The following ENOX1 variants were observed in gnomAD, a reference collection of about 807,000 sequenced individuals.
ENOX1 encodes the protein candidate growth-related and time keeping constitutive hydroquinone (NADH) oxidase.
A neutral mutation model predicts 82.5 loss-of-function variants in ENOX1; 42 were observed. The ratio of observed to expected loss-of-function variants is 0.51; its 90% CI spans 0.40 to 0.66. The LOEUF is 0.66. ENOX1 is among the 30% of genes least tolerant of loss of function. ENOX1 has a pLI of 0.00. For synonymous variants in ENOX1, 271 were observed against 282.2 expected, an observed-to-expected ratio of 0.96 and a Z score of 0.40; for missense variants, 608 against 811.6, an observed-to-expected ratio of 0.75 and a Z score of 3.05.
intron 15 of ENOX1, 94 bp from the exon 16 acceptor site, chr13:43,224,232 G>A: frequency 4.0e-6 from 4 of 1,006,262 alleles, no homozygotes; most frequent in Admixed American, 2.0e-5. Flanking sequence ...TATTTTGTCA[G>A]GCTGAGTTAT....
chr13:43,587,809 T>TA, intron 2 of ENOX1, among the ~76,000 whole-genome samples: 1 of 152,312 alleles, frequency 6.6e-6, no homozygotes, highest in Admixed American at 6.5e-5. Flanking sequence ...TAAAAATAAA[T>TA]ACAGTTATTC....
At chr13:43,229,281 C>T (rs1219059956) in intron 15 of ENOX1, among the ~76,000 whole-genome samples, 1 of 152,170 alleles carries the variant, frequency 6.6e-6, no homozygotes, top group African/African-American at 2.4e-5. Context: ...TCTTTATCAG[C>T]AGCATGGGAA....
chr13:43,275,799 G>A (rs2044989430), intron 12 of ENOX1, among the ~76,000 whole-genome samples: 1 of 152,140 alleles, frequency 6.6e-6, no homozygotes, highest in South Asian at 2.1e-4. Context: ...TCTAGATGCT[G>A]GGTCACAAAA....
At chr13:43,554,646 G>T (rs1270641799) in intron 2 of ENOX1, among the ~76,000 whole-genome samples, 3 of 152,098 alleles carry the variant, frequency 2.0e-5, no homozygotes, top group Non-Finnish European at 2.9e-5. Context: ...GCACCATCTT[G>T]GTTCACTGCA....
chr13:43,647,858 A>C (rs1003140930), intron 2 of ENOX1, among the ~76,000 whole-genome samples: 1 of 152,174 alleles, frequency 6.6e-6, no homozygotes, highest in Non-Finnish European at 1.5e-5. Flanking sequence ...GTCCTTAAAA[A>C]CGAAGAACCT....
At position 43,326,534 on chromosome 13, in the gene ENOX1, A is replaced by G; in HGVS notation, c.1037-9T>C. On this transcript the variant is annotated splice_polypyrimidine_tract_variant and intron_variant, in intron 9 of 16. Transcript: ENST00000690772. ...GGCCACAATCTGCTCAACTTTGGTG[A>G]ACAAGGAAGTCAAACAAGACAAGTA... is the stretch of plus-strand genomic sequence containing the variant. 1 of 1,611,072 alleles carries G rather than the reference A, an allele frequency of 6.2e-7. No individual in the cohort carries two copies.
intron 2 of ENOX1, among the ~76,000 whole-genome samples, chr13:43,614,581 C>T (rs1484795343): frequency 7.8e-6 from 1 of 127,406 alleles, no homozygotes; most frequent in African/African-American, 2.9e-5. Flanking sequence ...CTTGTGTTCT[C>T]ACTTTCTCTG....
intron 2 of ENOX1, among the ~76,000 whole-genome samples, chr13:43,487,188 G>A (rs765902534): frequency 6.6e-6 from 1 of 150,564 alleles, no homozygotes. Context: ...AAAAAAAAAA[G>A]TTAGGAAATA....
At chr13:43,369,401 T>C (rs2051066250) in intron 5 of ENOX1, among the ~76,000 whole-genome samples, 1 of 152,234 alleles carries the variant, frequency 6.6e-6, no homozygotes, top group South Asian at 2.1e-4. Flanking sequence ...TCTGAACTTG[T>C]ATGTATAAAT....
intron 12 of ENOX1, among the ~76,000 whole-genome samples, chr13:43,282,095 T>C (rs2045419810): frequency 6.6e-6 from 1 of 152,168 alleles, no homozygotes; most frequent in African/African-American, 2.4e-5. Context: ...TTCTTGGTTG[T>C]TTTAGTTTAA....
chr13:43,435,930 TA>T lies in ENOX1; in HGVS notation c.-74-22943del, dbSNP rs367835483. ...GAATATGGTCTGAGTCTCAAAGGAT[TA>T]AAAAAAAAAAAAAACCAACCTATGT... is the stretch of plus-strand genomic sequence containing the variant. On this transcript the variant is annotated intron_variant, in intron 3 of 16. Transcript: ENST00000690772. Among the ~76,000 whole-genome samples, 785 of 139,726 alleles carry T rather than the reference TA, an allele frequency of 5.6e-3. 3 individuals carry two copies. Among genetic ancestry groups the T allele is most frequent in the African/African-American group, 0.017 (622 of 37,156 alleles). 91.7% of individuals were successfully genotyped at this position (139,726 alleles called of 152,430 possible).
intron 1 of ENOX1, among the ~76,000 whole-genome samples, chr13:43,762,215 T>C (rs983256125): frequency 1.3e-5 from 2 of 152,202 alleles, no homozygotes; most frequent in African/African-American, 2.4e-5. Context: ...AGGATGAATG[T>C]AAACTACAGA....
intron 1 of ENOX1, among the ~76,000 whole-genome samples, chr13:43,751,369 T>C (rs1307449493): frequency 6.6e-6 from 1 of 152,192 alleles, no homozygotes; most frequent in Non-Finnish European, 1.5e-5. Context: ...TAAAAATAGG[T>C]TTATGGAATA....
intron 2 of ENOX1, among the ~76,000 whole-genome samples, chr13:43,541,487 C>T (rs548521938): frequency 1.3e-5 from 2 of 152,058 alleles, no homozygotes; most frequent in African/African-American, 2.4e-5. Context: ...GGCAAAAGTG[C>T]GAGAGCTGTT....
At chr13:43,260,534 C>A (rs1000415575) in intron 14 of ENOX1, among the ~76,000 whole-genome samples, 1 of 152,162 alleles carries the variant, frequency 6.6e-6, no homozygotes, top group African/African-American at 2.4e-5. Flanking sequence ...GCTGTCACTG[C>A]ATTTCATTCC....
intron 2 of ENOX1, among the ~76,000 whole-genome samples, chr13:43,598,826 G>A (rs1411256679): frequency 6.6e-6 from 1 of 151,996 alleles, no homozygotes; most frequent in South Asian, 2.1e-4. Flanking sequence ...GATCCAAGGA[G>A]CAGTTTAACA....
At chr13:43,402,391 T>G (rs2053548989) in intron 5 of ENOX1, among the ~76,000 whole-genome samples, 1 of 152,200 alleles carries the variant, frequency 6.6e-6, no homozygotes, top group Non-Finnish European at 1.5e-5. Flanking sequence ...TATTATGCAT[T>G]TTATGTAATT....
chr13:43,418,145 G>T (rs1472418133), intron 3 of ENOX1, among the ~76,000 whole-genome samples: 1 of 151,982 alleles, frequency 6.6e-6, no homozygotes, highest in Non-Finnish European at 1.5e-5. Context: ...GGAGGCAGAG[G>T]TTGTAGAGCC....
rs187616182 is a variant in ENOX1, at chr13:43,518,305, T to C, written c.-218-34153A>G. Among the ~76,000 whole-genome samples, 8 of 152,234 alleles carry C rather than the reference T, an allele frequency of 5.3e-5. No individual in the cohort carries two copies. In the East Asian group the frequency reaches 1.5e-3, roughly 29 times the overall value. On this transcript the variant is annotated intron_variant, in intron 2 of 16. Transcript: ENST00000690772. ...AATATTATCAATATTAGGTTCCTTCTGGTAGGTGAGATACGTGGGTCTCCT... is the reference window on the plus strand; with the variant it reads ...AATATTATCAATATTAGGTTCCTTCCGGTAGGTGAGATACGTGGGTCTCCT...
Sources: gnomAD v4.1 joint callset for allele counts (sites outside exome capture counted in the v4.1 genomes callset) on GRCh38, gnomAD v4.1.1 for gene constraint, MANE v1.5 for transcripts, NCBI Gene and HGNC (gene_info 2026-07-23, HGNC 2026-07-21) for gene names.